SLC6A5: variants seen among roughly 807,000 people sequenced by gnomAD.
The protein encoded by SLC6A5 is solute carrier family 6 member 5, also known as sodium- and chloride-dependent glycine transporter 2.
SLC6A5 carries 58 observed loss-of-function variants against 90.5 expected under a neutral mutation model. That is an observed-to-expected ratio of 0.64 (90% CI 0.52 to 0.80). The LOEUF (loss-of-function observed/expected upper bound fraction) is 0.80. Among genes scored for constraint, SLC6A5 ranks in the 30% least tolerant of loss-of-function variants. The probability of loss-of-function intolerance (pLI) is 0.00; values close to 1 mark genes in which losing one functional copy is unlikely to be tolerated. For missense variants in SLC6A5, 1,015 were observed against 1,017.6 expected (o/e 1.00, Z 0.03); for synonymous variants, 427 against 401.4 (o/e 1.06, Z -0.76).
intron 7 of SLC6A5, among the ~76,000 whole-genome samples, chr11:20,619,349 G>T (rs1427316842): frequency 6.6e-6 from 1 of 152,182 alleles, no homozygotes; most frequent in Admixed American, 6.5e-5. Flanking sequence ...GGACATTTTT[G>T]ATTACAGCTT....
chr11:20,626,963 T>C (rs1590169030), intron 8 of SLC6A5, 121 bp downstream of exon 8: 1 of 807,154 alleles, frequency 1.2e-6, no homozygotes, highest in East Asian at 2.5e-5. Flanking sequence ...AAGAGCCTGA[T>C]GATCTTGGTA....
In SLC6A5 at chr11:20,638,558, G is replaced by T. The variant is rs1853254515; in HGVS notation, c.1969G>T (p.Gly657Cys). Residue 657 changes from glycine (G) to cysteine (C), a missense_variant and splice_region_variant, in exon 13 of 16, where the codon GGC (glycine) becomes TGC (cysteine). Gly to Cys is a radical substitution (Grantham distance 159). Around this residue, in one of 3 missense-constraint regions of SLC6A5, gnomAD observed 442 missense variants for 494.3 expected, o/e 0.89. Coordinates refer to ENST00000525748, the MANE Select transcript of SLC6A5 (RefSeq NM_004211.5). ...FELVGISYVY[G>C]LQRFCEDIEM... The stretch of plus-strand genomic sequence containing the variant: ...GCTCGTGGGGATCTCTTATGTGTAT[G>T]GTAAGGAAATCACTGTGCCTGTTGC... 6.3e-7 allele frequency: 1 copy of T among 1,578,842 alleles called. No homozygotes were observed. The highest frequency in any genetic ancestry group is 2.2e-5 in the East Asian group (1 of 44,684).
intron 1 of SLC6A5, among the ~76,000 whole-genome samples, chr11:20,600,345 GAAGAAGAAGAAGAA>G (rs1852437854): frequency 2.8e-5 from 2 of 71,346 alleles, no homozygotes; most frequent in Non-Finnish European, 3.1e-5. Context: ...GGAAGAAGAA[GAAGAAGAAGAAGAA>G]GAAGAAGAAG....
chr11:20,607,005 A>C lies in SLC6A5; in HGVS notation c.680-2A>C, dbSNP rs543949463. ...GCTCTCACTCCCCACTCTCTTTCCA[A>C]GGTGCTTTCCTCATCCCTTACCTGA... On this transcript the variant is annotated splice_acceptor_variant, in intron 3 of 15. Coordinates refer to ENST00000525748, the MANE Select transcript of SLC6A5 (RefSeq NM_004211.5). LOFTEE classifies it high-confidence loss of function. The C allele has an allele frequency of 6.2e-7, 1 of 1,613,988 alleles. No homozygotes were observed. The highest frequency in any genetic ancestry group is 1.1e-5 in the South Asian group (1 of 91,064).
At chr11:20,617,716 T>A (rs373099744) in intron 6 of SLC6A5, 36 bp from the exon 7 acceptor site, 1 of 1,601,440 alleles carries the variant, frequency 6.2e-7, no homozygotes, top group East Asian at 2.2e-5. Context: ...TCTCCTTCTT[T>A]CTATCACTCC....
intron 10 of SLC6A5, among the ~76,000 whole-genome samples, chr11:20,634,461 C>G (rs1280548205): frequency 6.6e-6 from 1 of 152,228 alleles, no homozygotes; most frequent in African/African-American, 2.4e-5. Context: ...TCTAAAAAAG[C>G]TGTAAAGCCC....
chr11:20,628,049 T>C lies in SLC6A5; in HGVS notation c.1465T>C (p.Ser489Pro). The C allele has an allele frequency of 6.2e-7, 1 of 1,614,172 alleles. No homozygotes were observed. Among genetic ancestry groups the C allele is most frequent in the Non-Finnish European group, 8.5e-7 (1 of 1,179,996 alleles). The change falls in exon 9 of 16, where the codon TCT (serine) becomes CCT (proline). Residue 489 changes from serine to proline, a missense_variant. Physicochemically the swap from Ser to Pro is moderately conservative, Grantham distance 74. Coordinates refer to ENST00000525748, the MANE Select transcript of SLC6A5 (RefSeq NM_004211.5). ...TGCATGGGGAGGCCTGATCACTCTC[T>C]CTTCTTACAACAAATTCCACAACAA... The part of the protein sequence containing the change: ...SAAWGGLITL[S>P]SYNKFHNNCY...
intron 11 of SLC6A5, 36 bp downstream of exon 11, chr11:20,636,455 C>T: frequency 7.5e-7 from 1 of 1,329,582 alleles, no homozygotes; most frequent in South Asian, 1.2e-5. Flanking sequence ...ATCCCATGCT[C>T]CTCTTGAAGA....
chr11:20,651,343 G>T (rs11025677), intron 14 of SLC6A5, among the ~76,000 whole-genome samples: 1 of 148,024 alleles, frequency 6.8e-6, no homozygotes, highest in Admixed American at 6.7e-5. Context: ...GCATGATCTC[G>T]GCTTACTGCA....
intron 5 of SLC6A5, among the ~76,000 whole-genome samples, chr11:20,609,532 A>G (rs953885655): frequency 1.6e-4 from 24 of 152,194 alleles, no homozygotes; most frequent in Admixed American, 3.3e-4. Flanking sequence ...GGATATTGCC[A>G]GGCTGTTTCC....
intron 1 of SLC6A5, 118 bp from the exon 2 acceptor site, chr11:20,601,011 A>G (rs981350988): frequency 9.8e-7 from 1 of 1,018,458 alleles, no homozygotes; most frequent in Non-Finnish European, 1.4e-6. Flanking sequence ...TCAGATTCCA[A>G]TTTGCTTCCC....
At chr11:20,616,806 C>T (rs1852791031) in intron 6 of SLC6A5, among the ~76,000 whole-genome samples, 1 of 152,200 alleles carries the variant, frequency 6.6e-6, no homozygotes, top group Admixed American at 6.5e-5. Flanking sequence ...TCAAGCTAGC[C>T]AGCTGGACCA....
At position 20,656,536 on chromosome 11, in the gene SLC6A5, A is replaced by T. The variant is rs1476433242; in HGVS notation, c.*1668A>T. On this transcript the variant is annotated 3_prime_UTR_variant, in exon 16 of 16. Coordinates refer to ENST00000525748, the MANE Select transcript of SLC6A5 (RefSeq NM_004211.5). The stretch of plus-strand genomic sequence containing the variant: ...TTTTTTTTAAAAGATTTCATTTGTT[A>T]AAAAAAGTCTCAACTCATTTTACTG... 2 of 152,128 alleles carry T rather than the reference A, an allele frequency of 1.3e-5. No individual in the cohort carries two copies. Among genetic ancestry groups the T allele is most frequent in the Non-Finnish European group, 2.9e-5 (2 of 68,032 alleles). The allele number at this position is 152,128 out of a possible 1,614,324, so 9.4% of individuals were successfully genotyped here. A position where few individuals can be genotyped will look rare whatever the true frequency, so the allele number is the denominator to read the frequency against.
In SLC6A5 at chr11:20,607,095, C is replaced by T; in HGVS notation, c.768C>T (p.Ser256=). 1 of 1,614,126 alleles carries T rather than the reference C, an allele frequency of 6.2e-7. No homozygotes were observed. Among genetic ancestry groups the T allele is most frequent in the Non-Finnish European group, 8.5e-7 (1 of 1,180,024 alleles). Residue 256 remains serine, a synonymous_variant, in exon 4 of 16, where the codon AGC becomes AGT. Coordinates refer to ENST00000525748, the MANE Select transcript of SLC6A5 (RefSeq NM_004211.5). ...FLEVSLGQFA[S]QGPVSVWKAI... ...AGGTGTCGCTGGGCCAGTTTGCCAG[C>T]CAGGGACCAGTGTCTGTGTGGAAGG...
intron 5 of SLC6A5, among the ~76,000 whole-genome samples, chr11:20,609,253 T>C (rs1309412311): frequency 6.6e-6 from 1 of 152,010 alleles, no homozygotes; most frequent in Admixed American, 6.6e-5. Context: ...GCAGATCCTA[T>C]CTCATTCTTA....
chr11:20,616,031 G>C (rs1455336318), intron 6 of SLC6A5, among the ~76,000 whole-genome samples: 1 of 152,176 alleles, frequency 6.6e-6, no homozygotes. Flanking sequence ...AATTCAAATA[G>C]AACATGGGGA....
At chr11:20,627,895 T>G in intron 8 of SLC6A5, 85 bp from the exon 9 acceptor site, 1 of 931,858 alleles carries the variant, frequency 1.1e-6, no homozygotes, top group Non-Finnish European at 1.8e-6. Flanking sequence ...CCTGGAAACA[T>G]GATATGGCAC....
In SLC6A5 at chr11:20,614,802, G is replaced by T. The variant is rs1852755683; in HGVS notation, c.1109G>T (p.Gly370Val). ...TSQANKTFVS[G>V]SEEYFKYFVL... is the part of the protein sequence containing the mutation. ...CAGGCCAATAAGACATTTGTCAGTG[G>T]AAGTGAAGAGTACTTCAAGTAAGAT... is the stretch of plus-strand genomic sequence containing the variant. Residue 370 changes from glycine (G) to valine (V), a missense_variant, in exon 6 of 16, where the codon GGA becomes GTA. This residue lies in a region of SLC6A5 where 567 missense variants were observed against 507.3 expected (regional missense o/e 1.12). Transcript: ENST00000525748. 1 of 1,613,734 alleles carries T rather than the reference G, an allele frequency of 6.2e-7. No homozygotes were observed. The highest frequency in any genetic ancestry group is 8.5e-7 in the Non-Finnish European group (1 of 1,179,708).
chr11:20,600,907 T>C (rs561909407), intron 1 of SLC6A5, among the ~76,000 whole-genome samples: 2 of 152,258 alleles, frequency 1.3e-5, no homozygotes, highest in African/African-American at 2.4e-5. Context: ...CATCCTCCAC[T>C]AGGGAGGGAA....
Sources: gnomAD v4.1 joint callset for allele counts (sites outside exome capture counted in the v4.1 genomes callset) on GRCh38, gnomAD v4.1.1 for gene constraint, gnomAD v4.1.1 regional missense constraint, MANE v1.5 for transcripts, NCBI Gene and HGNC (gene_info 2026-07-23, HGNC 2026-07-21) for gene names.